Variants in FBXO11 observed in about 807,000 individuals in gnomAD.
FBXO11 encodes the protein F-box protein 11, also known as F-box only protein 11.
A neutral mutation model predicts 117.0 loss-of-function variants in FBXO11; 13 were observed. The ratio of observed to expected loss-of-function variants is 0.11; its 90% CI spans 0.07 to 0.18. FBXO11 has a LOEUF of 0.18. FBXO11 is among the 10% of genes least tolerant of loss of function. The probability of loss-of-function intolerance (pLI) is 1.00; values close to 1 mark genes in which losing one functional copy is unlikely to be tolerated. For synonymous variants in FBXO11, 490 were observed against 380.5 expected, an observed-to-expected ratio of 1.29 and a Z score of -3.35; for missense variants, 767 against 1,164.4, an observed-to-expected ratio of 0.66 and a Z score of 4.97.
At chr2:47,888,884 CA>C (rs1217020491) in intron 1 of FBXO11, among the ~76,000 whole-genome samples, 1 of 152,184 alleles carries the variant, frequency 6.6e-6, no homozygotes, top group Non-Finnish European at 1.5e-5. Flanking sequence ...TTTTTAAAAA[CA>C]GGTTATTCAA....
At chr2:47,828,789 C>T (rs951803037) in intron 11 of FBXO11, among the ~76,000 whole-genome samples, 1 of 152,072 alleles carries the variant, frequency 6.6e-6, no homozygotes, top group African/African-American at 2.4e-5. Flanking sequence ...GGGAACTAAC[C>T]AATGTTAGTA....
At chr2:47,813,513 C>T (rs993778528) in intron 17 of FBXO11, 136 bp from the exon 18 acceptor site, 1 of 604,246 alleles carries the variant, frequency 1.7e-6, no homozygotes, top group Non-Finnish European at 2.6e-6. Context: ...CTCACTGCAA[C>T]CTCCACCTCC....
At chr2:47,875,310 T>C (rs116766335) in intron 1 of FBXO11, among the ~76,000 whole-genome samples, 2,024 of 152,310 alleles carry the variant, frequency 0.013, 46 homozygotes, top group African/African-American at 0.045. Flanking sequence ...GGCTACCATA[T>C]TGGACAACTT....
rs573827926 is a variant in FBXO11, at chr2:47,851,080, T to A, written c.233-11311A>T. On this transcript the variant is annotated intron_variant, in intron 1 of 22. Transcript: ENST00000403359. Reference sequence around the variant, plus strand: ...CAATGTAATTCAAAAGTAGTGTTTATGTCCAAGGAGAAACTGATATGGCCA... The same window carrying A: ...CAATGTAATTCAAAAGTAGTGTTTAAGTCCAAGGAGAAACTGATATGGCCA... Among the ~76,000 whole-genome samples the A allele has an allele frequency of 3.9e-4, 59 of 152,352 alleles. 1 individual carries two copies. The South Asian group carries it at 0.011, about 29-fold the overall frequency.
At chr2:47,902,137 C>T (rs1402396417) in intron 1 of FBXO11, among the ~76,000 whole-genome samples, 5 of 152,152 alleles carry the variant, frequency 3.3e-5, no homozygotes, top group African/African-American at 1.2e-4. Context: ...GGTTTCACTA[C>T]GTTGGCCAGG....
intron 14 of FBXO11, among the ~76,000 whole-genome samples, chr2:47,819,568 C>A (rs1671237645): frequency 6.6e-6 from 1 of 152,108 alleles, no homozygotes. Flanking sequence ...AAATTTTATA[C>A]TGTTCTTTAA....
At chr2:47,856,822 AG>A (rs1222793064) in intron 1 of FBXO11, among the ~76,000 whole-genome samples, 1 of 152,270 alleles carries the variant, frequency 6.6e-6, no homozygotes, top group African/African-American at 2.4e-5. Flanking sequence ...GAACTGAAAC[AG>A]TACAATGTAA....
rs773633289 is a variant in FBXO11 at position 47,808,382 on chromosome 2, G to A, written c.2601C>T (p.Asn867=). 1 of 1,610,880 alleles carries A rather than the reference G, an allele frequency of 6.2e-7. No homozygotes were observed. Among genetic ancestry groups the A allele is most frequent in the South Asian group, 1.1e-5 (1 of 90,578 alleles). The change falls in exon 22 of 23, where the codon AAC becomes AAT. Residue 867 remains asparagine (N), a synonymous_variant. Coordinates refer to ENST00000403359, the MANE Select transcript of FBXO11 (RefSeq NM_001190274.2). The part of the protein sequence containing the change: ...NTTDRNAICV[N]CIKKCHQGHD... ...GTCCCTGATGGCACTTCTTAATGCA[G>A]TTCACACATATGGCATTTCGATCTG...
chr2:47,818,467 T>C (rs1036315493), intron 16 of FBXO11: 21 of 243,408 alleles, frequency 8.6e-5, no homozygotes, highest in South Asian at 4.7e-4. Flanking sequence ...CCAGGCATAA[T>C]GCACAAGTAT....
At chr2:47,900,779 TAC>T (rs1295499627) in intron 1 of FBXO11, among the ~76,000 whole-genome samples, 7 of 102,962 alleles carry the variant, frequency 6.8e-5, no homozygotes, top group African/African-American at 2.3e-4. Context: ...TATACACGTA[TAC>T]ACACACGTGT....
At chr2:47,808,668 T>A (rs1379223072) in intron 21 of FBXO11, 1 of 402,794 alleles carries the variant, frequency 2.5e-6, no homozygotes, top group Non-Finnish European at 4.4e-6. Context: ...CTTTCCACTT[T>A]AAAAGCCTCT....
At chr2:47,823,100 T>A in intron 12 of FBXO11, 43 bp downstream of exon 12, 1 of 1,434,758 alleles carries the variant, frequency 7.0e-7, no homozygotes, top group Non-Finnish European at 9.6e-7. Context: ...AAGCAAACCT[T>A]GAAGTGAAAA....
chr2:47,893,981 G>A (rs1453693981), intron 1 of FBXO11, among the ~76,000 whole-genome samples: 1 of 152,218 alleles, frequency 6.6e-6, no homozygotes, highest in East Asian at 1.9e-4. Context: ...ACATTGGACT[G>A]CTTAAGTGCT....
intron 1 of FBXO11, among the ~76,000 whole-genome samples, chr2:47,892,339 C>A (rs367917892): frequency 1.3e-5 from 2 of 152,178 alleles, no homozygotes; most frequent in African/African-American, 2.4e-5. Flanking sequence ...ATATTTCACC[C>A]GAAAGGGTAT....
At chr2:47,868,265 G>C (rs998829775) in intron 1 of FBXO11, among the ~76,000 whole-genome samples, 1 of 132,410 alleles carries the variant, frequency 7.6e-6, no homozygotes, top group South Asian at 2.5e-4. Flanking sequence ...CCTGGGGGTA[G>C]AGCAAGACTC....
intron 1 of FBXO11, among the ~76,000 whole-genome samples, chr2:47,877,741 G>C (rs1676114867): frequency 6.6e-6 from 1 of 152,212 alleles, no homozygotes; most frequent in Admixed American, 6.5e-5. Flanking sequence ...CTGGAATGCA[G>C]TGGTGCGATC....
chr2:47,862,802 C>A (rs1172922218), intron 1 of FBXO11, among the ~76,000 whole-genome samples: 2 of 152,152 alleles, frequency 1.3e-5, no homozygotes, highest in Admixed American at 6.5e-5. Flanking sequence ...CACCTGTAAT[C>A]CCAGCACTTT....
intron 4 of FBXO11, among the ~76,000 whole-genome samples, chr2:47,838,363 T>A (rs1470493721): frequency 1.3e-5 from 2 of 152,040 alleles, no homozygotes; most frequent in South Asian, 2.1e-4. Context: ...TTATAATTTT[T>A]CTCATTATTA....
intron 1 of FBXO11, among the ~76,000 whole-genome samples, chr2:47,866,981 A>G (rs1675248389): frequency 1.3e-5 from 2 of 152,208 alleles, no homozygotes; most frequent in Non-Finnish European, 2.9e-5. Context: ...ACAGAGTTGC[A>G]ATATCTAAGA....
Sources: allele counts gnomAD v4.1 joint callset (sites outside exome capture counted in the v4.1 genomes callset), GRCh38; gene constraint gnomAD v4.1.1; transcripts MANE v1.5; gene names NCBI Gene and HGNC (gene_info 2026-07-23, HGNC 2026-07-21).